Variants in PPFIBP2 observed in about 807,000 individuals in gnomAD.
PPFIBP2 encodes the protein liprin-beta-2.
Under a neutral mutation model 118.3 loss-of-function variants are expected in PPFIBP2, and 118 were observed. That is an observed-to-expected ratio of 1.00 (90% CI 0.86 to 1.16). The LOEUF (loss-of-function observed/expected upper bound fraction) is 1.16, where lower values mean the gene tolerates loss of function less well. Ranked by LOEUF, PPFIBP2 falls within the 50% of genes most tolerant of loss-of-function variation. PPFIBP2 has a pLI of 0.00. For synonymous variants in PPFIBP2, 414 were observed against 397.4 expected, an observed-to-expected ratio of 1.04 and a Z score of -0.50; for missense variants, 1,195 against 1,073.1, an observed-to-expected ratio of 1.11 and a Z score of -1.59.
chr11:7,576,848 G>C (rs774113331), intron 3 of PPFIBP2: 2 of 152,416 alleles, frequency 1.3e-5, no homozygotes, highest in Non-Finnish European at 2.9e-5. Context: ...ACCCAGACTG[G>C]AGCTGCTTTT....
At chr11:7,626,405 T>C (rs1302426035) in intron 8 of PPFIBP2, among the ~76,000 whole-genome samples, 1 of 152,200 alleles carries the variant, frequency 6.6e-6, no homozygotes, top group Non-Finnish European at 1.5e-5. Flanking sequence ...CCACCCTAAC[T>C]CAAATAGGTG....
At chr11:7,536,354 C>T (rs1263684002) in intron 1 of PPFIBP2, among the ~76,000 whole-genome samples, 1 of 152,110 alleles carries the variant, frequency 6.6e-6, no homozygotes, top group East Asian at 1.9e-4. Flanking sequence ...GGCAGTGGGG[C>T]TCTGAGGCAA....
intron 1 of PPFIBP2, among the ~76,000 whole-genome samples, chr11:7,538,699 C>A (rs4758001): frequency 0.78 from 118,388 of 152,052 alleles, 46,877 homozygotes; most frequent in African/African-American, 0.89. Context: ...ATATCCTGGA[C>A]CTCGCCTGAC....
intron 3 of PPFIBP2, among the ~76,000 whole-genome samples, chr11:7,590,462 A>G (rs563380131): frequency 2.0e-5 from 3 of 152,272 alleles, no homozygotes; most frequent in South Asian, 2.1e-4. Flanking sequence ...CCTGTCTGCC[A>G]TGCACACCAC....
rs753952788 is a variant in PPFIBP2, at chr11:7,630,940, C to T, written c.980C>T (p.Thr327Ile). ...VMVTQGPSER[T>I]LSINEEEPEG... ...ATGCTTGCAGGGCCTTCGGAGAGAA[C>T]TCTCTCAATCAATGAAGAAGAACCG... is the stretch of plus-strand genomic sequence containing the variant. Residue 327 changes from threonine to isoleucine, a missense_variant, in exon 11 of 24, where the codon ACT becomes ATT. Coordinates refer to ENST00000299492, the MANE Select transcript of PPFIBP2 (RefSeq NM_003621.5). 3.7e-6 allele frequency: 6 copies of T among 1,613,744 alleles called. No homozygotes were observed. In the African/African-American group the frequency reaches 4.0e-5, roughly 11 times the overall value.
At chr11:7,664,348 T>A in the PPFIBP2 span, among the ~76,000 whole-genome samples, 3 of 152,058 alleles carry the variant, frequency 2.0e-5, no homozygotes, top group Admixed American at 6.5e-5. Context: ...TTGCCAAAAG[T>A]TGGTAGGCTA....
At chr11:7,587,081 T>A (rs1036668456) in intron 3 of PPFIBP2, among the ~76,000 whole-genome samples, 1 of 152,216 alleles carries the variant, frequency 6.6e-6, no homozygotes, top group African/African-American at 2.4e-5. Context: ...TTGATGCCCA[T>A]GGGCCTGTTG....
rs374059201 is a variant in PPFIBP2, at chr11:7,597,658, A to G, written c.471A>G (p.Glu157=). The change falls in exon 5 of 24, where the codon GAA becomes GAG. Residue 157 remains glutamate (E), a synonymous_variant. Transcript: ENST00000299492. The part of the protein sequence containing the change: ...EGHQVKLNAA[E]EMLQQELLSR... Reference sequence around the variant, plus strand: ...ACCAGGTGAAACTCAATGCTGCTGAAGAGATGCTTCAACAGGTAAGGGCGG... The same window carrying G: ...ACCAGGTGAAACTCAATGCTGCTGAGGAGATGCTTCAACAGGTAAGGGCGG... 231 of 1,614,006 alleles carry G rather than the reference A, an allele frequency of 1.4e-4. 2 individuals carry two copies. In the South Asian group the frequency reaches 1.9e-3, roughly 14 times the overall value.
At chr11:7,593,789 G>C (rs973384089) in intron 4 of PPFIBP2, among the ~76,000 whole-genome samples, 1 of 152,144 alleles carries the variant, frequency 6.6e-6, no homozygotes, top group Admixed American at 6.5e-5. Flanking sequence ...GATCATCAAG[G>C]GAGCTTTTTC....
At chr11:7,662,643 G>T in the PPFIBP2 span, among the ~76,000 whole-genome samples, 18 of 145,988 alleles carry the variant, frequency 1.2e-4, no homozygotes, top group East Asian at 2.1e-4. Context: ...TGCTCTTCTC[G>T]AGGAGTATCT....
chr11:7,571,720 T>C (rs1855669462), intron 3 of PPFIBP2: 1 of 151,914 alleles, frequency 6.6e-6, no homozygotes, highest in East Asian at 1.9e-4. Context: ...TGAACTTGAG[T>C]GAGAGATGAG....
At chr11:7,516,703 G>T (rs765512251) in intron 1 of PPFIBP2, among the ~76,000 whole-genome samples, 2 of 152,156 alleles carry the variant, frequency 1.3e-5, no homozygotes, top group Non-Finnish European at 2.9e-5. Flanking sequence ...CTTCTGCACA[G>T]TACCCAGACG....
chr11:7,567,008 G>T (rs7115639), intron 3 of PPFIBP2, among the ~76,000 whole-genome samples: 1 of 151,940 alleles, frequency 6.6e-6, no homozygotes, highest in African/African-American at 2.4e-5. Context: ...TTTATTAGCC[G>T]TTTGCTTTAT....
At chr11:7,617,372 A>T in intron 6 of PPFIBP2, 2 of 901,794 alleles carry the variant, frequency 2.2e-6, no homozygotes, top group Non-Finnish European at 2.7e-6. Context: ...GTTTCTCCTA[A>T]CCAGAACAGA....
At chr11:7,530,479 C>T (rs1026348696) in intron 1 of PPFIBP2, among the ~76,000 whole-genome samples, 4 of 152,152 alleles carry the variant, frequency 2.6e-5, no homozygotes, top group African/African-American at 7.2e-5. Flanking sequence ...GTGGAGCCCT[C>T]ATGCTTGAGA....
At chr11:7,618,885 G>GTTTTT (rs36101082) in intron 6 of PPFIBP2, among the ~76,000 whole-genome samples, 19 of 124,538 alleles carry the variant, frequency 1.5e-4, no homozygotes, top group East Asian at 5.0e-4. Context: ...CCATCCAGAA[G>GTTTTT]TTTTTTTTTT....
At chr11:7,557,608 C>T (rs1853790232) in intron 2 of PPFIBP2, among the ~76,000 whole-genome samples, 1 of 151,664 alleles carries the variant, frequency 6.6e-6, no homozygotes, top group Admixed American at 6.6e-5. Context: ...TCTCAGCCTC[C>T]TGAGTAATTG....
At chr11:7,665,254 G>T in the PPFIBP2 span, 2 of 840,822 alleles carry the variant, frequency 2.4e-6, no homozygotes, top group Non-Finnish European at 3.6e-6. Flanking sequence ...GAGAACCAGT[G>T]TGTGCGCGAA....
intron 2 of PPFIBP2, among the ~76,000 whole-genome samples, chr11:7,558,984 CTT>C (rs1200806357): frequency 2.6e-5 from 4 of 152,132 alleles, no homozygotes; most frequent in South Asian, 4.1e-4. Flanking sequence ...ACCTGGGAAA[CTT>C]TTTATTACCC....
Sources: gnomAD v4.1 joint callset for allele counts (sites outside exome capture counted in the v4.1 genomes callset) on GRCh38, gnomAD v4.1.1 for gene constraint, MANE v1.5 for transcripts, NCBI Gene and HGNC (gene_info 2026-07-23, HGNC 2026-07-21) for gene names.